Variants in PTPRCAP observed in about 807,000 individuals in gnomAD.
The protein encoded by PTPRCAP is protein tyrosine phosphatase receptor type C-associated protein.
For synonymous variants in PTPRCAP, 136 were observed against 135.8 expected (o/e 1.00, Z -0.01); for missense variants, 294 against 285.5 (o/e 1.03, Z -0.22).
rs574499486 is a variant in PTPRCAP at position 67,435,565 on chromosome 11, G to T, written c.*168C>A. On this transcript the variant is annotated 3_prime_UTR_variant, in exon 2 of 2. Coordinates refer to ENST00000326294, the MANE Select transcript of PTPRCAP (RefSeq NM_005608.3). ...TTGCCTGATGCCTGTGGTTGGGGGG[G>T]GCCGTTCCCGTGGTGAGCGGGGTAC... is the stretch of plus-strand genomic sequence containing the variant. 11 of 1,027,508 alleles carry T rather than the reference G, an allele frequency of 1.1e-5. No individual in the cohort carries two copies. The highest frequency in any genetic ancestry group is 1.8e-5 in the South Asian group (1 of 55,112). The allele number at this position is 1,027,508 out of a possible 1,614,324, so 63.6% of individuals were successfully genotyped here. A position where few individuals can be genotyped will look rare whatever the true frequency, so the allele number is the denominator to read the frequency against.
chr11:67,437,210 G>T (rs546965444), intron 1 of PTPRCAP: 108 of 173,814 alleles, frequency 6.2e-4, no homozygotes, highest in Admixed American at 1.9e-3. Flanking sequence ...GGCTGGGGGG[G>T]GCTGGGGGAG....
Position 67,436,136 on chromosome 11 carries a change from G to C in PTPRCAP, c.218C>G (p.Ala73Gly). Residue 73 changes from alanine (A) to glycine (G), a missense_variant, in exon 2 of 2, where the codon GCG becomes GGG. Physicochemically the swap from Ala to Gly is moderately conservative, Grantham distance 60 (BLOSUM62 0). Transcript: ENST00000326294. ...GYYHPARLGA[A>G]LWGRTRRLLW... ...CAGGCGCCGCGTGCGGCCCCACAGC[G>C]CGGCACCTAGGCGGGCCGGGTGGTA... 2 of 1,582,706 alleles carry C rather than the reference G, an allele frequency of 1.3e-6. No homozygotes were observed. The highest frequency in any genetic ancestry group is 1.7e-6 in the Non-Finnish European group (2 of 1,164,320).
chr11:67,435,703 G>A lies in PTPRCAP; in HGVS notation c.*30C>T. ...GCAGAGGCACGGGGAGTGAGCGGCT[G>A]TGACAGGGATGGGACACCAAGACCG... On this transcript the variant is annotated 3_prime_UTR_variant, in exon 2 of 2. Transcript: ENST00000326294. 2 of 1,499,840 alleles carry A rather than the reference G, an allele frequency of 1.3e-6. No individual in the cohort carries two copies. Among genetic ancestry groups the A allele is most frequent in the Non-Finnish European group, 1.8e-6 (2 of 1,129,910 alleles). The allele number at this position is 1,499,840 out of a possible 1,614,324, so 92.9% of individuals were successfully genotyped here. A position where few individuals can be genotyped will look rare whatever the true frequency, so the allele number is the denominator to read the frequency against.
chr11:67,435,903 T>C lies in PTPRCAP; in HGVS notation c.451A>G (p.Arg151Gly). ...EQVPVRAEEARDSDTEGDLVL... is the reference protein window; with the variant it reads ...EQVPVRAEEAGDSDTEGDLVL... ...AGGTCGCCCTCCGTGTCACTGTCTCTGGCTTCCTCAGCCCGCACGGGGACC... is the reference window on the plus strand; with the variant it reads ...AGGTCGCCCTCCGTGTCACTGTCTCCGGCTTCCTCAGCCCGCACGGGGACC... Residue 151 changes from arginine to glycine, a missense_variant, in exon 2 of 2, where the codon AGA becomes GGA. By Grantham distance (125) the Arg-to-Gly change is moderately radical. Coordinates refer to ENST00000326294, the MANE Select transcript of PTPRCAP (RefSeq NM_005608.3). 3 of 1,612,650 alleles carry C rather than the reference T, an allele frequency of 1.9e-6. No individual in the cohort carries two copies. The highest frequency in any genetic ancestry group is 2.5e-6 in the Non-Finnish European group (3 of 1,179,656).
At position 67,436,680 on chromosome 11, in the gene PTPRCAP, C is replaced by T. The variant is rs74458365; in HGVS notation, c.4-330G>A. 794 of 285,508 alleles carry T rather than the reference C, an allele frequency of 2.8e-3. 6 individuals carry two copies. The highest frequency in any genetic ancestry group is 0.016 in the African/African-American group (719 of 45,578). 17.7% of individuals were successfully genotyped at this position (285,508 alleles called of 1,614,324 possible). A position where few individuals can be genotyped will look rare whatever the true frequency, so the allele number is the denominator to read the frequency against. On this transcript the variant is annotated intron_variant, in intron 1 of 1. Transcript: ENST00000326294. Reference sequence around the variant, plus strand: ...CCCCCGGGCTGCATGGCCTGCTCACCGTGCTCAAACTTCACCCCAGTGAGG... The same window carrying T: ...CCCCCGGGCTGCATGGCCTGCTCACTGTGCTCAAACTTCACCCCAGTGAGG...
In PTPRCAP at chr11:67,435,912, C is replaced by T. The variant is rs1305916341; in HGVS notation, c.442G>A (p.Glu148Lys). ...SSPEQVPVRA[E>K]EARDSDTEGD... ...TCCGTGTCACTGTCTCTGGCTTCCTCAGCCCGCACGGGGACCTGCTCTGGG... is the reference window on the plus strand; with the variant it reads ...TCCGTGTCACTGTCTCTGGCTTCCTTAGCCCGCACGGGGACCTGCTCTGGG... The change falls in exon 2 of 2, where the codon GAG (glutamate) becomes AAG (lysine). Residue 148 changes from glutamate (E) to lysine (K), a missense_variant. By Grantham distance (56) the Glu-to-Lys change is moderately conservative (BLOSUM62 1). Transcript: ENST00000326294. 3 of 1,612,734 alleles carry T rather than the reference C, an allele frequency of 1.9e-6. No homozygotes were observed. The highest frequency in any genetic ancestry group is 1.7e-4 in the Middle Eastern group (1 of 6,056).
Position 67,435,835 on chromosome 11 carries a change from A to G in PTPRCAP, c.519T>C (p.Ala173=). 6.2e-7 allele frequency: 1 copy of G among 1,607,606 alleles called. No homozygotes were observed. The highest frequency in any genetic ancestry group is 1.7e-5 in the Admixed American group (1 of 59,864). Residue 173 remains alanine, a synonymous_variant, in exon 2 of 2, where the codon GCT becomes GCC. Coordinates refer to ENST00000326294, the MANE Select transcript of PTPRCAP (RefSeq NM_005608.3). ...SPGPASAGGS[A]EALLSDLHAF... Reference sequence around the variant, plus strand: ...CGTGCAGGTCACTCAGCAGGGCCTCAGCACTGCCCCCTGCGCTCGCTGGTC... The same window carrying G: ...CGTGCAGGTCACTCAGCAGGGCCTCGGCACTGCCCCCTGCGCTCGCTGGTC...
At position 67,435,999 on chromosome 11, in the gene PTPRCAP, C is replaced by A. The variant is rs138577657; in HGVS notation, c.355G>T (p.Ala119Ser). 1 of 1,613,756 alleles carries A rather than the reference C, an allele frequency of 6.2e-7. No individual in the cohort carries two copies. The highest frequency in any genetic ancestry group is 8.5e-7 in the Non-Finnish European group (1 of 1,179,914). The change falls in exon 2 of 2, where the codon GCG (alanine) becomes TCG (serine). Residue 119 changes from alanine (A) to serine (S), a missense_variant. Physicochemically the swap from Ala to Ser is moderately conservative, Grantham distance 99 (BLOSUM62 1). Transcript: ENST00000326294. The part of the protein sequence containing the change: ...DEQDTDYDHV[A>S]DGGLQADPGE... ...GGGTCAGCCTGCAGGCCACCATCCG[C>A]GACGTGGTCATAGTCTGTGTCCTGC... is the stretch of plus-strand genomic sequence containing the variant.
chr11:67,435,832 C>T lies in PTPRCAP; in HGVS notation c.522G>A (p.Glu174=), dbSNP rs1864257812. The T allele has an allele frequency of 6.2e-7, 1 of 1,607,250 alleles. No homozygotes were observed. The highest frequency in any genetic ancestry group is 1.3e-5 in the African/African-American group (1 of 74,864). The stretch of plus-strand genomic sequence containing the variant: ...AGGCGTGCAGGTCACTCAGCAGGGC[C>T]TCAGCACTGCCCCCTGCGCTCGCTG... ...PGPASAGGSA[E]ALLSDLHAFA... is the part of the protein sequence containing the mutation. Residue 174 remains glutamate (E), a synonymous_variant, in exon 2 of 2, where the codon GAG becomes GAA. Transcript: ENST00000326294.
Position 67,435,747 on chromosome 11 carries a change from C to A in PTPRCAP, c.607G>T (p.Val203Phe). 1 of 1,543,856 alleles carries A rather than the reference C, an allele frequency of 6.5e-7. No individual in the cohort carries two copies. Among genetic ancestry groups the A allele is most frequent in the Non-Finnish European group, 8.7e-7 (1 of 1,146,412 alleles). The change falls in exon 2 of 2, where the codon GTC becomes TTC. Residue 203 changes from valine (V) to phenylalanine (F), a missense_variant. Coordinates refer to ENST00000326294, the MANE Select transcript of PTPRCAP (RefSeq NM_005608.3). Reference sequence around the variant, plus strand: ...AAGACCGGCCTCTACAGTGCGGTGACATGGAGGCCCTGGCCCCCAGCTGCC... The same window carrying A: ...AAGACCGGCCTCTACAGTGCGGTGAAATGGAGGCCCTGGCCCCCAGCTGCC... Reference protein sequence around the residue: ...ARAAGGQGLHVTAL With the variant: ...ARAAGGQGLHFTAL
rs1352536496 is a variant in PTPRCAP, at chr11:67,435,742, G to A, written c.612C>T (p.Thr204=). Residue 204 remains threonine, a synonymous_variant, in exon 2 of 2, where the codon ACC becomes ACT. Coordinates refer to ENST00000326294, the MANE Select transcript of PTPRCAP (RefSeq NM_005608.3). ...ACACCAAGACCGGCCTCTACAGTGCGGTGACATGGAGGCCCTGGCCCCCAG... is the reference window on the plus strand; with the variant it reads ...ACACCAAGACCGGCCTCTACAGTGCAGTGACATGGAGGCCCTGGCCCCCAG... ...RAAGGQGLHV[T]AL is the part of the protein sequence containing the mutation. 3 of 1,537,846 alleles carry A rather than the reference G, an allele frequency of 2.0e-6. No homozygotes were observed. Among genetic ancestry groups the A allele is most frequent in the African/African-American group, 1.4e-5 (1 of 73,202 alleles).
intron 1 of PTPRCAP, chr11:67,436,786 C>T (rs1864292882): frequency 1.2e-5 from 2 of 173,420 alleles, no homozygotes; most frequent in Non-Finnish European, 2.4e-5. Context: ...TGCCTTTTTC[C>T]TTCCATGTCA....
At chr11:67,437,495 C>T (rs552980782) in intron 1 of PTPRCAP, 122 bp downstream of exon 1, 47 of 1,177,540 alleles carry the variant, frequency 4.0e-5, no homozygotes, top group Non-Finnish European at 4.9e-5. Flanking sequence ...CCATACTCCT[C>T]TTAGGTCTCA....
chr11:67,435,533 C>T lies in PTPRCAP; in HGVS notation c.*200G>A, dbSNP rs141604288. The stretch of plus-strand genomic sequence containing the variant: ...GCCACAGGCTGAAGGAGTTTTATTT[C>T]AAATGGTTGCCTGATGCCTGTGGTT... On this transcript the variant is annotated 3_prime_UTR_variant, in exon 2 of 2. Coordinates refer to ENST00000326294, the MANE Select transcript of PTPRCAP (RefSeq NM_005608.3). 147 of 783,914 alleles carry T rather than the reference C, an allele frequency of 1.9e-4. No individual in the cohort carries two copies. Among genetic ancestry groups the T allele is most frequent in the Non-Finnish European group, 2.5e-4 (130 of 520,094 alleles). The allele number at this position is 783,914 out of a possible 1,614,324, so 48.6% of individuals were successfully genotyped here. A position where few individuals can be genotyped will look rare whatever the true frequency, so the allele number is the denominator to read the frequency against.
chr11:67,436,166 C>T lies in PTPRCAP; in HGVS notation c.188G>A (p.Gly63Asp). 6.4e-7 allele frequency: 1 copy of T among 1,563,074 alleles called. No individual in the cohort carries two copies. Among genetic ancestry groups the T allele is most frequent in the East Asian group, 2.4e-5 (1 of 42,230 alleles). Residue 63 changes from glycine to aspartate, a missense_variant, in exon 2 of 2, where the codon GGC becomes GAC. By Grantham distance (94) the Gly-to-Asp change is moderately conservative (BLOSUM62 -1). Coordinates refer to ENST00000326294, the MANE Select transcript of PTPRCAP (RefSeq NM_005608.3). ...ACCTAGGCGGGCCGGGTGGTAGTAG[C>T]CCCCTGAGTCACGGCTGAGGCGGCG... ...AWRRLSRDSG[G>D]YYHPARLGAA...
chr11:67,435,698 C>A lies in PTPRCAP; in HGVS notation c.*35G>T. ...GGGAAGCAGAGGCACGGGGAGTGAGCGGCTGTGACAGGGATGGGACACCAA... is the reference window on the plus strand; with the variant it reads ...GGGAAGCAGAGGCACGGGGAGTGAGAGGCTGTGACAGGGATGGGACACCAA... On this transcript the variant is annotated 3_prime_UTR_variant, in exon 2 of 2. Coordinates refer to ENST00000326294, the MANE Select transcript of PTPRCAP (RefSeq NM_005608.3). 1.3e-6 allele frequency: 2 copies of A among 1,498,222 alleles called. No individual in the cohort carries two copies. Among genetic ancestry groups the A allele is most frequent in the Non-Finnish European group, 1.8e-6 (2 of 1,129,586 alleles). The allele number at this position is 1,498,222 out of a possible 1,614,324, so 92.8% of individuals were successfully genotyped here. A position where few individuals can be genotyped will look rare whatever the true frequency, so the allele number is the denominator to read the frequency against.
At chr11:67,437,567 C>T (rs974562434) in intron 1 of PTPRCAP, 50 bp downstream of exon 1, 16 of 1,338,636 alleles carry the variant, frequency 1.2e-5, no homozygotes, top group Admixed American at 9.1e-5. Context: ...ATTCTAGCCC[C>T]GACCGCCTGT....
At chr11:67,437,390 G>A in intron 1 of PTPRCAP, 1 of 425,916 alleles carries the variant, frequency 2.3e-6, no homozygotes, top group Admixed American at 4.4e-5. Context: ...CCTTCCCAGG[G>A]CTCCTGACAG....
rs548229630 is a variant in PTPRCAP, at chr11:67,437,398, CAG to C, written c.3+217_3+218del. The C allele has an allele frequency of 9.5e-4, 420 of 441,452 alleles. 1 individual carries two copies. The highest frequency in any genetic ancestry group is 7.8e-3 in the African/African-American group (385 of 49,180). 27.3% of individuals were successfully genotyped at this position (441,452 alleles called of 1,614,324 possible). Reference sequence around the variant, plus strand: ...GTAAGGGCCTTCCCAGGGCTCCTGACAGGGGCCTGGTCCGGTATGGGGTGCTG... The same window carrying C: ...GTAAGGGCCTTCCCAGGGCTCCTGACGGGCCTGGTCCGGTATGGGGTGCTG... On this transcript the variant is annotated intron_variant, in intron 1 of 1. Transcript: ENST00000326294.
Sources: gnomAD v4.1 joint callset for allele counts on GRCh38, gnomAD v4.1.1 for gene constraint, MANE v1.5 for transcripts, NCBI Gene and HGNC (gene_info 2026-07-23, HGNC 2026-07-21) for gene names.